The following LPA variants were observed in gnomAD, a reference collection of about 807,000 sequenced individuals.
LPA encodes lipoprotein(a), also known as apolipoprotein(a).
A neutral mutation model predicts 197.9 loss-of-function variants in LPA; 199 were observed. The ratio of observed to expected loss-of-function variants is 1.01; its 90% confidence interval spans 0.90 to 1.13. LPA has a LOEUF of 1.13. Ranked by LOEUF, LPA falls within the 50% of genes most tolerant of loss-of-function variation. LPA has a pLI of 0.00. For synonymous variants in LPA, 715 were observed against 639.5 expected, an observed-to-expected ratio of 1.12 and a Z score of -1.78; for missense variants, 1,853 against 1,785.8, an observed-to-expected ratio of 1.04 and a Z score of -0.68.
chr6:160,535,541 GGTGGTAGTA>G (rs1777880053), intron 37 of LPA, among the ~76,000 whole-genome samples: 1 of 14,702 alleles, frequency 6.8e-5, no homozygotes, highest in Non-Finnish European at 1.7e-4. Context: ...TGATGGTGAT[GGTGGTAGTA>G]GTGGTAGTGG....
intron 1 of LPA, among the ~76,000 whole-genome samples, chr6:160,658,174 G>T (rs1184438869): frequency 6.6e-6 from 1 of 152,006 alleles, no homozygotes; most frequent in Non-Finnish European, 1.5e-5. Context: ...GTTTCTTCTG[G>T]CAAAAAAGTT....
At chr6:160,564,877 C>A (rs1342019720) in intron 28 of LPA, among the ~76,000 whole-genome samples, 3 of 152,198 alleles carry the variant, frequency 2.0e-5, no homozygotes, top group Non-Finnish European at 4.4e-5. Flanking sequence ...GGGTCCCATG[C>A]CCACAGAGCC....
chr6:160,585,127 G>A lies in LPA; in HGVS notation c.4208C>T (p.Thr1403Ile). Residue 1403 changes from threonine (T) to isoleucine (I), a missense_variant, in exon 26 of 39, where the codon ACT becomes ATT. Thr to Ile is a moderately conservative substitution (Grantham distance 89). This residue lies in a region of LPA where 1,737 missense variants were observed against 1,504.4 expected (regional missense o/e 1.15). Transcript: ENST00000316300. ...GQSYRGTLST[T>I]ITGRTCQSWS... is the part of the protein sequence containing the mutation. The stretch of plus-strand genomic sequence containing the variant: ...AGACTGACATGTTCTTCCTGTGATA[G>A]TGGTGGAGAGTGTGCCTCGATAACT... The A allele has an allele frequency of 6.2e-7, 1 of 1,613,886 alleles. No individual in the cohort carries two copies. Among genetic ancestry groups the A allele is most frequent in the South Asian group, 1.1e-5 (1 of 91,080 alleles).
At chr6:160,546,247 TG>T (rs1778069471) in intron 32 of LPA, among the ~76,000 whole-genome samples, 1 of 152,146 alleles carries the variant, frequency 6.6e-6, no homozygotes, top group African/African-American at 2.4e-5. Context: ...CGATCACCGA[TG>T]GCCAATGATG....
At chr6:160,594,429 G>A (rs117449673) in intron 21 of LPA, among the ~76,000 whole-genome samples, 1 of 152,294 alleles carries the variant, frequency 6.6e-6, no homozygotes, top group Non-Finnish European at 1.5e-5. Flanking sequence ...TGAGAATAAG[G>A]CAGGAAACTA....
rs1173086296 is a variant in LPA, at chr6:160,593,993, G to C, written c.3594C>G (p.His1198Gln). Residue 1198 changes from histidine (H) to glutamine (Q), a missense_variant, in exon 22 of 39, where the codon CAC becomes CAG. This residue lies in a region of LPA where 1,737 missense variants were observed against 1,504.4 expected (regional missense o/e 1.15). Coordinates refer to ENST00000316300, the MANE Select transcript of LPA (RefSeq NM_005577.4). ...TCQSWSSMTP[H>Q]WHQRTTEYYP... ...AATATTCTGTTGTCCTCTGATGCCA[G>C]TGTGGTGTCATAGAGGACCAAGACT... 1.2e-6 allele frequency: 2 copies of C among 1,613,866 alleles called. No individual in the cohort carries two copies. The highest frequency in any genetic ancestry group is 1.3e-5 in the African/African-American group (1 of 74,932).
At chr6:160,602,430 T>C (rs980660062) in intron 18 of LPA, among the ~76,000 whole-genome samples, 3 of 152,238 alleles carry the variant, frequency 2.0e-5, no homozygotes, top group Non-Finnish European at 2.9e-5. Flanking sequence ...TGATTTAGTC[T>C]ATATGTTCAA....
intron 1 of LPA, among the ~76,000 whole-genome samples, chr6:160,654,021 A>T (rs13218605): frequency 0.26 from 874 of 3,352 alleles, 91 homozygotes; most frequent in African/African-American, 0.45. Flanking sequence ...ATTATATATA[A>T]TATATAATAT....
Position 160,600,984 on chromosome 6 carries a change from T to G in LPA, c.3060A>C (p.Ala1020=), listed in dbSNP as rs751993714. The stretch of plus-strand genomic sequence containing the variant: ...TCGGAGGGACGAAGGCAGTCCATTC[T>G]GCATCTGAGCATCGTGTCAGGTTGC... ...EYCNLTRCSD[A]EWTAFVPPNV... is the part of the protein sequence containing the mutation. The change falls in exon 19 of 39, where the codon GCA becomes GCC. Residue 1020 remains alanine, a synonymous_variant. Coordinates refer to ENST00000316300, the MANE Select transcript of LPA (RefSeq NM_005577.4). 1.2e-6 allele frequency: 2 copies of G among 1,613,958 alleles called. No homozygotes were observed. Among genetic ancestry groups the G allele is most frequent in the African/African-American group, 2.7e-5 (2 of 74,936 alleles).
At chr6:160,596,459 G>A (rs1010354345) in intron 20 of LPA, among the ~76,000 whole-genome samples, 1 of 149,196 alleles carries the variant, frequency 6.7e-6, no homozygotes, top group African/African-American at 2.5e-5. Flanking sequence ...CAAAGTCTTT[G>A]TTCATAGGGG....
chr6:160,575,739 A>G (rs990192331), intron 28 of LPA, among the ~76,000 whole-genome samples: 6 of 152,166 alleles, frequency 3.9e-5, no homozygotes, highest in African/African-American at 1.4e-4. Flanking sequence ...TGCCATCTCC[A>G]TTGAACTCAT....
intron 1 of LPA, among the ~76,000 whole-genome samples, chr6:160,652,024 A>AG (rs1244600347): frequency 6.6e-6 from 1 of 151,892 alleles, no homozygotes; most frequent in African/African-American, 2.4e-5. Flanking sequence ...GACAAAAAAA[A>AG]AAAAGCAGAA....
intron 26 of LPA, among the ~76,000 whole-genome samples, chr6:160,583,904 A>ACTGTCTG (rs1463622442): frequency 1.3e-5 from 2 of 152,174 alleles, no homozygotes; most frequent in African/African-American, 4.8e-5. Flanking sequence ...CTCAGGTTGT[A>ACTGTCTG]CTGTCTGCTG....
At chr6:160,593,848 A>T (rs1158715098) in intron 22 of LPA, 110 bp downstream of exon 22, 2 of 1,362,368 alleles carry the variant, frequency 1.5e-6, no homozygotes, top group African/African-American at 1.4e-5. Flanking sequence ...TCTACCCAAC[A>T]TTCCAGATCT....
At chr6:160,547,638 G>T in intron 32 of LPA, 151 bp downstream of exon 32, 1 of 986,578 alleles carries the variant, frequency 1.0e-6, no homozygotes. Flanking sequence ...CACACGCGTG[G>T]GGCTTTGCTG....
At chr6:160,563,754 G>T (rs1206885430) in intron 28 of LPA, among the ~76,000 whole-genome samples, 1 of 152,138 alleles carries the variant, frequency 6.6e-6, no homozygotes, top group Non-Finnish European at 1.5e-5. Flanking sequence ...CTCCTGTATT[G>T]GGTGCATATA....
intron 1 of LPA, among the ~76,000 whole-genome samples, chr6:160,660,802 A>G (rs1411166079): frequency 4.6e-5 from 7 of 152,164 alleles, no homozygotes; most frequent in African/African-American, 1.7e-4. Context: ...GCTCCTCCAC[A>G]AAGAAGGCCA....
At chr6:160,574,338 T>A (rs1778616499) in intron 28 of LPA, among the ~76,000 whole-genome samples, 1 of 152,078 alleles carries the variant, frequency 6.6e-6, no homozygotes, top group Non-Finnish European at 1.5e-5. Flanking sequence ...CTCCCAGCTG[T>A]GAAAGAAAAG....
intron 28 of LPA, among the ~76,000 whole-genome samples, chr6:160,564,112 G>A (rs1467439704): frequency 6.6e-6 from 1 of 152,160 alleles, no homozygotes; most frequent in East Asian, 1.9e-4. Flanking sequence ...TCATTATGAT[G>A]CTAGCTGGCT....
Sources: allele counts gnomAD v4.1 joint callset (sites outside exome capture counted in the v4.1 genomes callset), GRCh38; gene constraint gnomAD v4.1.1; regional missense constraint gnomAD v4.1.1; transcripts MANE v1.5; gene names NCBI Gene and HGNC (gene_info 2026-07-23, HGNC 2026-07-21).